Variants in LARGE1 observed in about 807,000 individuals in gnomAD.
LARGE1 encodes LARGE xylosyl- and glucuronyltransferase 1.
Under a neutral mutation model 87.6 loss-of-function variants are expected in LARGE1, and 43 were observed. The ratio of observed to expected loss-of-function variants is 0.49; its 90% CI spans 0.38 to 0.63. LARGE1 has a LOEUF of 0.63. LARGE1 is among the 30% of genes least tolerant of loss of function. The pLI, the probability that LARGE1 is intolerant of heterozygous loss-of-function variation, is 0.00. For missense variants in LARGE1, 802 were observed against 1,000.2 expected (o/e 0.80, Z 2.67); for synonymous variants, 434 against 394.6 (o/e 1.10, Z -1.18).
intron 11 of LARGE1, among the ~76,000 whole-genome samples, chr22:33,195,040 CTATT>C (rs950369697): frequency 6.6e-5 from 10 of 152,124 alleles, no homozygotes; most frequent in Non-Finnish European, 1.3e-4. Flanking sequence ...AATTAACCAA[CTATT>C]TATTTTTTAA....
intron 2 of LARGE1, among the ~76,000 whole-genome samples, chr22:33,759,533 C>G (rs975192681): frequency 2.0e-5 from 3 of 152,124 alleles, no homozygotes; most frequent in African/African-American, 7.2e-5. Context: ...AAAGAGTAAA[C>G]ATATGTAGAA....
chr22:33,274,730 T>G (rs895458821), intron 14 of LARGE1, 106 bp from the exon 15 acceptor site: 3 of 988,550 alleles, frequency 3.0e-6, no homozygotes, highest in Admixed American at 1.9e-5. Context: ...GACTTGATAA[T>G]GGCACCCACA....
chr22:33,693,596 G>A (rs1044900384), intron 2 of LARGE1, among the ~76,000 whole-genome samples: 3 of 152,052 alleles, frequency 2.0e-5, no homozygotes, highest in East Asian at 1.9e-4. Flanking sequence ...AGGCCGAGGC[G>A]GGCGGATCAC....
chr22:33,548,994 T>A (rs2077445363), intron 6 of LARGE1, among the ~76,000 whole-genome samples: 1 of 152,232 alleles, frequency 6.6e-6, no homozygotes, highest in African/African-American at 2.4e-5. Flanking sequence ...AAGCCAGACC[T>A]TCCTTTTCTG....
chr22:33,903,468 A>C (rs1414851669), intron 1 of LARGE1, among the ~76,000 whole-genome samples: 1 of 152,212 alleles, frequency 6.6e-6, no homozygotes, highest in Admixed American at 6.5e-5. Context: ...ATAAAATCAC[A>C]TAACAGTTAA....
At chr22:33,480,546 G>C (rs1250946025) in intron 6 of LARGE1, among the ~76,000 whole-genome samples, 3 of 152,134 alleles carry the variant, frequency 2.0e-5, no homozygotes, top group Non-Finnish European at 4.4e-5. Context: ...ACCAGGCCCT[G>C]CTTTAAGTAA....
chr22:33,266,195 T>G (rs1250324934), intron 11 of LARGE1, among the ~76,000 whole-genome samples: 1 of 144,214 alleles, frequency 6.9e-6, no homozygotes, highest in African/African-American at 2.6e-5. Flanking sequence ...TGGGGCCACG[T>G]GGGCCTAGGT....
the LARGE1 span, among the ~76,000 whole-genome samples, chr22:33,101,993 G>A: frequency 6.6e-6 from 1 of 151,892 alleles, no homozygotes; most frequent in South Asian, 2.1e-4. Flanking sequence ...CCTACCAAAT[G>A]TTTACCTGAA....
chr22:33,718,571 G>T (rs542908976), intron 2 of LARGE1, among the ~76,000 whole-genome samples: 3 of 152,190 alleles, frequency 2.0e-5, no homozygotes, highest in Admixed American at 6.5e-5. Flanking sequence ...TTTTTGGCTC[G>T]CCACATGGCC....
chr22:33,845,907 T>C (rs1012478740), intron 1 of LARGE1, among the ~76,000 whole-genome samples: 6 of 152,170 alleles, frequency 3.9e-5, no homozygotes, highest in Non-Finnish European at 8.8e-5. Flanking sequence ...TAAATCTCAA[T>C]TTCATTACCA....
chr22:33,881,814 A>C (rs941003489), intron 1 of LARGE1, among the ~76,000 whole-genome samples: 1 of 152,226 alleles, frequency 6.6e-6, no homozygotes, highest in Non-Finnish European at 1.5e-5. Flanking sequence ...TAAGTGAGTG[A>C]TCATCTTCAT....
intron 12 of LARGE1, among the ~76,000 whole-genome samples, 173 bp from the exon 13 acceptor site, chr22:33,283,521 A>G (rs1453509484): frequency 6.6e-6 from 1 of 152,172 alleles, no homozygotes; most frequent in Non-Finnish European, 1.5e-5. Context: ...CACGTCTGTA[A>G]TCCCAGCCTT....
chr22:33,127,487 A>G, the LARGE1 span, among the ~76,000 whole-genome samples: 1 of 152,226 alleles, frequency 6.6e-6, no homozygotes, highest in South Asian at 2.1e-4. Context: ...CTCAGGAAAA[A>G]GAAAAGAAAA....
chr22:33,566,480 G>T (rs764049936), intron 5 of LARGE1, among the ~76,000 whole-genome samples: 2 of 148,360 alleles, frequency 1.3e-5, no homozygotes, highest in Admixed American at 1.3e-4. Flanking sequence ...GGCTCCTTCC[G>T]GGGGGTTCTT....
At chr22:33,181,531 A>G (rs1171769004) in intron 11 of LARGE1, among the ~76,000 whole-genome samples, 1 of 116,452 alleles carries the variant, frequency 8.6e-6, no homozygotes. Flanking sequence ...AGGCTACATT[A>G]CTCTTTTTTT....
chr22:33,293,058 G>T (rs573857092), intron 12 of LARGE1, among the ~76,000 whole-genome samples: 50 of 152,150 alleles, frequency 3.3e-4, no homozygotes, highest in Non-Finnish European at 5.1e-4. Context: ...GAAGACAGAA[G>T]CATACTCCTC....
At chr22:33,791,047 A>G (rs890465951) in intron 1 of LARGE1, among the ~76,000 whole-genome samples, 1 of 152,242 alleles carries the variant, frequency 6.6e-6, no homozygotes, top group Non-Finnish European at 1.5e-5. Flanking sequence ...AGAGAATATA[A>G]AGGATAGATG....
At chr22:33,455,330 C>G (rs562114972) in intron 6 of LARGE1, among the ~76,000 whole-genome samples, 2 of 152,252 alleles carry the variant, frequency 1.3e-5, no homozygotes, top group South Asian at 2.1e-4. Flanking sequence ...TGTGGTTGTT[C>G]CCAAACCTTT....
intron 1 of LARGE1, among the ~76,000 whole-genome samples, chr22:33,821,246 T>A (rs2086805499): frequency 6.6e-6 from 1 of 152,138 alleles, no homozygotes; most frequent in South Asian, 2.1e-4. Context: ...ATGTTGGTTA[T>A]CTTCTCCAAG....
Sources: allele counts gnomAD v4.1 joint callset (sites outside exome capture counted in the v4.1 genomes callset), GRCh38; gene constraint gnomAD v4.1.1; transcripts MANE v1.5; gene names NCBI Gene and HGNC (gene_info 2026-07-23, HGNC 2026-07-21).